The following BEST1 variants were observed in gnomAD, a reference collection of about 807,000 sequenced individuals.
BEST1 encodes bestrophin-1.
BEST1 carries 58 observed loss-of-function variants against 63.3 expected under a neutral mutation model. The observed-to-expected ratio is 0.92, with a 90% CI of 0.74 to 1.14. The LOEUF (loss-of-function observed/expected upper bound fraction) is 1.14. Among genes scored for constraint, BEST1 ranks in the 50% most tolerant of loss-of-function variants. The pLI, the probability that BEST1 is intolerant of heterozygous loss-of-function variation, is 0.00. For synonymous variants in BEST1, 283 were observed against 291.6 expected, an observed-to-expected ratio of 0.97 and a Z score of 0.30; for missense variants, 671 against 740.1, an observed-to-expected ratio of 0.91 and a Z score of 1.08.
At chr11:61,963,104 C>T in intron 10 of BEST1, 2 of 1,464,350 alleles carry the variant, frequency 1.4e-6, no homozygotes, top group Non-Finnish European at 9.0e-7. Flanking sequence ...TCACTTCACC[C>T]TGGTATCACC....
rs967605857 is a variant in BEST1 at position 61,952,342 on chromosome 11, T to C, written c.152+384T>C. Among the ~76,000 whole-genome samples, 94 of 151,356 alleles carry C rather than the reference T, an allele frequency of 6.2e-4. 1 individual carries two copies. Among genetic ancestry groups the C allele is most frequent in the African/African-American group, 2.2e-3 (89 of 41,180 alleles). The stretch of plus-strand genomic sequence containing the variant: ...GAGAGAGAGAGAGAGAGATGGAGTC[T>C]CACTGTGTTGTCCAGGCTGGTCTCG... On this transcript the variant is annotated intron_variant, in intron 2 of 10. Coordinates refer to ENST00000378043, the MANE Select transcript of BEST1 (RefSeq NM_004183.4).
intron 8 of BEST1, 93 bp downstream of exon 8, chr11:61,959,671 G>C (rs1941835069): frequency 7.0e-7 from 1 of 1,435,744 alleles, no homozygotes; most frequent in Non-Finnish European, 9.8e-7. Flanking sequence ...GCCTCACAGT[G>C]AATGATCAAC....
In BEST1 at chr11:61,958,127, A is replaced by ATCCTCCTCC. The variant is rs1805182; in HGVS notation, c.715-12_715-4dup. The ATCCTCCTCC allele has an allele frequency of 0.86, 1,327,715 of 1,544,446 alleles. 560,870 individuals carry two copies. The highest frequency in any genetic ancestry group is 0.92 in the East Asian group (39,092 of 42,408). Reference sequence around the variant, plus strand: ...TTCCCACCTAGCCCTTTGCTACCACATCCTCCTCCTCCTCCCAGGTGGTGA... The same window carrying ATCCTCCTCC: ...TTCCCACCTAGCCCTTTGCTACCACATCCTCCTCCTCCTCCTCCTCCTCCCAGGTGGTGA... On this transcript the variant is annotated intron_variant, in intron 6 of 10. Transcript: ENST00000378043.
At chr11:61,961,984 C>T in intron 9 of BEST1, 1 of 516,722 alleles carries the variant, frequency 1.9e-6, no homozygotes, top group South Asian at 2.2e-5. Context: ...GATGAGGAGG[C>T]CTTTACACGC....
intron 10 of BEST1, 62 bp from the exon 11 acceptor site, chr11:61,964,037 AACATT>A: frequency 6.2e-7 from 1 of 1,610,112 alleles, no homozygotes; most frequent in South Asian, 1.1e-5. Flanking sequence ...CTCCTACTGC[AACATT>A]TTGGTATTTG....
intron 2 of BEST1, chr11:61,954,786 C>G: frequency 1.0e-6 from 1 of 984,372 alleles, no homozygotes; most frequent in Non-Finnish European, 1.2e-6. Flanking sequence ...AAACAACTGA[C>G]CCTTGGCTGC....
At chr11:61,954,023 G>A (rs943383774) in intron 2 of BEST1, among the ~76,000 whole-genome samples, 5 of 152,172 alleles carry the variant, frequency 3.3e-5, no homozygotes, top group Non-Finnish European at 7.3e-5. Flanking sequence ...TGACTACAAT[G>A]GATTATAAAA....
At chr11:61,965,121 G>A, downstream of BEST1, 1 of 1,603,512 alleles carries the variant, frequency 6.2e-7, no homozygotes. Context: ...TTCTGAATGA[G>A]AATAGGTTAA....
chr11:61,958,421 G>A (rs745834582), intron 7 of BEST1, 123 bp downstream of exon 7: 11 of 1,557,966 alleles, frequency 7.1e-6, no homozygotes, highest in African/African-American at 4.1e-5. Flanking sequence ...GCAGCCAGGC[G>A]TGGTGGCGCA....
chr11:61,958,457 G>A, intron 7 of BEST1, 159 bp downstream of exon 7: 1 of 1,533,918 alleles, frequency 6.5e-7, no homozygotes, highest in South Asian at 1.2e-5. Flanking sequence ...CTACTCGGGA[G>A]GCTGAGGCAG....
chr11:61,960,455 C>G (rs996472097), intron 9 of BEST1: 5 of 235,562 alleles, frequency 2.1e-5, no homozygotes, highest in Non-Finnish European at 8.6e-6. Context: ...ACTGCAACCT[C>G]CGCCTCCTGG....
chr11:61,960,076 C>T, intron 9 of BEST1, 33 bp downstream of exon 9: 3 of 1,599,032 alleles, frequency 1.9e-6, no homozygotes, highest in Non-Finnish European at 2.6e-6. Context: ...GGGTGGGAAG[C>T]CCCTCCTAGT....
chr11:61,955,465 C>A, intron 3 of BEST1: 2 of 1,299,344 alleles, frequency 1.5e-6, no homozygotes, highest in Non-Finnish European at 2.0e-6. Flanking sequence ...GGAGCCCCTG[C>A]GCGGGAGGGG....
chr11:61,959,343 T>C (rs1235154723), intron 7 of BEST1, 155 bp from the exon 8 acceptor site: 3 of 728,104 alleles, frequency 4.1e-6, no homozygotes, highest in African/African-American at 1.7e-5. Flanking sequence ...CCCACAAGTG[T>C]GGGGGGCTGG....
At position 61,960,002 on chromosome 11, in the gene BEST1, G is replaced by A. The variant is rs1941892767; in HGVS notation, c.1059G>A (p.Gln353=). ...CCCCCTACACAGCTGCTTCCGCCCAGTTCCGTCGAGCCTCCTTTATGGGCT... is the reference window on the plus strand; with the variant it reads ...CCCCCTACACAGCTGCTTCCGCCCAATTCCGTCGAGCCTCCTTTATGGGCT... ...PQPPYTAASA[Q]FRRASFMGST... is the part of the protein sequence containing the mutation. The change falls in exon 9 of 11, where the codon CAG becomes CAA. Residue 353 remains glutamine, a synonymous_variant. Coordinates refer to ENST00000378043, the MANE Select transcript of BEST1 (RefSeq NM_004183.4). 6.2e-7 allele frequency: 1 copy of A among 1,611,394 alleles called. No individual in the cohort carries two copies.
At chr11:61,960,301 C>T in intron 9 of BEST1, 1 of 581,274 alleles carries the variant, frequency 1.7e-6, no homozygotes, top group South Asian at 2.0e-5. Context: ...GGTGCATTTG[C>T]TACTCGAAGG....
At chr11:61,956,079 G>C (rs1475583432) in intron 4 of BEST1, 128 bp downstream of exon 4, 1 of 1,007,892 alleles carries the variant, frequency 9.9e-7, no homozygotes, top group Non-Finnish European at 1.4e-6. Flanking sequence ...CCAGGAGTGG[G>C]GTGTAGTCAA....
intron 3 of BEST1, chr11:61,955,432 G>GACTTGTTC: frequency 7.1e-7 from 1 of 1,409,840 alleles, no homozygotes. Context: ...TTTTCTGAGG[G>GACTTGTTC]AAGCGCTGAC....
rs35510371 is a variant in BEST1, at chr11:61,952,303, AAGAGAGAGAGAG to A, written c.152+365_152+376del. 5.8e-3 allele frequency among the ~76,000 whole-genome samples: 860 copies of A among 147,028 alleles called. 12 individuals carry two copies. The highest frequency in any genetic ancestry group is 0.02 in the African/African-American group (811 of 40,334). On this transcript the variant is annotated intron_variant, in intron 2 of 10. Transcript: ENST00000378043. Reference sequence around the variant, plus strand: ...CATAGGCCCACATAGTACATTAAAAAAGAGAGAGAGAGAGAGAGAGAGAGAGAGAGATGGAGT... The same window carrying A: ...CATAGGCCCACATAGTACATTAAAAAAGAGAGAGAGAGAGAGAGATGGAGT...
Sources: allele counts gnomAD v4.1 joint callset (sites outside exome capture counted in the v4.1 genomes callset), GRCh38; gene constraint gnomAD v4.1.1; transcripts MANE v1.5; gene names NCBI Gene and HGNC (gene_info 2026-07-23, HGNC 2026-07-21).